SIPA1L1: variants seen among roughly 807,000 people sequenced by gnomAD.
The protein encoded by SIPA1L1 is signal-induced proliferation-associated 1-like protein 1.
A neutral mutation model predicts 162.7 loss-of-function variants in SIPA1L1; 26 were observed. That is an observed-to-expected ratio of 0.16 (90% CI 0.12 to 0.22). The LOEUF (loss-of-function observed/expected upper bound fraction) is 0.22. SIPA1L1 is among the 10% of genes least tolerant of loss of function. The pLI, the probability that SIPA1L1 is intolerant of heterozygous loss-of-function variation, is 1.00. For missense variants in SIPA1L1, 1,874 were observed against 2,241.0 expected (o/e 0.84, Z 3.31); for synonymous variants, 829 against 837.4 (o/e 0.99, Z 0.17).
In SIPA1L1 at chr14:71,671,507, A is replaced by G. The variant is rs747132189; in HGVS notation, c.2644A>G (p.Asn882Asp). 4.3e-6 allele frequency: 7 copies of G among 1,614,190 alleles called. No individual in the cohort carries two copies. The highest frequency in any genetic ancestry group is 1.7e-5 in the Admixed American group (1 of 60,028). ...ACTAGACTGCCTTTTAGGGATCTCC[A>G]ATGAGTTCATTGTGCTCATTGAACA... ...MELDCLLGIS[N>D]EFIVLIEQET... Residue 882 changes from asparagine (N) to aspartate (D), a missense_variant, in exon 11 of 24, where the codon AAT becomes GAT. Transcript: ENST00000381232.
intron 2 of SIPA1L1, among the ~76,000 whole-genome samples, chr14:71,353,322 G>T (rs540786266): frequency 1.3e-5 from 2 of 152,160 alleles, no homozygotes; most frequent in Non-Finnish European, 2.9e-5. Flanking sequence ...AAGAAGTAAG[G>T]TCACTAATCA....
intron 2 of SIPA1L1, among the ~76,000 whole-genome samples, chr14:71,485,662 TGTAATAATAATAAAAATAAA>T (rs1461313916): frequency 6.6e-6 from 1 of 152,042 alleles, no homozygotes; most frequent in Non-Finnish European, 1.5e-5. Flanking sequence ...TGTATTATAA[TGTAATAATAATAAAAATAAA>T]GTGCATGATA....
rs890518455 is a variant in SIPA1L1 at position 71,392,703 on chromosome 14, A to AT, written c.-465+71533dup. 5.7e-3 allele frequency among the ~76,000 whole-genome samples: 825 copies of AT among 145,504 alleles called. 3 individuals are homozygous for AT. The highest frequency in any genetic ancestry group is 0.013 in the African/African-American group (519 of 39,942). On this transcript the variant is annotated intron_variant, in intron 2 of 23. Transcript: ENST00000381232. ...CCACCACGCCCGGCTAATTTTTTGT[A>AT]TTTTTTTTTTTAGTAGAGACGGGGT...
At chr14:71,590,320 A>T (rs191580014) in intron 5 of SIPA1L1, among the ~76,000 whole-genome samples, 1 of 152,070 alleles carries the variant, frequency 6.6e-6, no homozygotes, top group African/African-American at 2.4e-5. Flanking sequence ...CATTAGCTAG[A>T]TTGGTCATCT....
At chr14:71,597,051 C>T (rs2036121843) in intron 5 of SIPA1L1, among the ~76,000 whole-genome samples, 1 of 152,118 alleles carries the variant, frequency 6.6e-6, no homozygotes, top group Admixed American at 6.6e-5. Context: ...CTCACTGCAG[C>T]CTCAAAGTCC....
chr14:71,448,496 C>T (rs1267966765), intron 2 of SIPA1L1, among the ~76,000 whole-genome samples: 1 of 152,168 alleles, frequency 6.6e-6, no homozygotes, highest in East Asian at 1.9e-4. Context: ...ATTCTATATT[C>T]TGAAAACCGT....
At chr14:71,523,465 A>T (rs2052561293) in intron 3 of SIPA1L1, among the ~76,000 whole-genome samples, 2 of 152,230 alleles carry the variant, frequency 1.3e-5, no homozygotes, top group African/African-American at 4.8e-5. Flanking sequence ...AATATCTTAC[A>T]TAACTATAGT....
At chr14:71,491,984 GCACCAT>G in intron 2 of SIPA1L1, among the ~76,000 whole-genome samples, 1 of 152,112 alleles carries the variant, frequency 6.6e-6, no homozygotes, top group Non-Finnish European at 1.5e-5. Context: ...AAGTCTGTCA[GCACCAT>G]CTCCCCTCTG....
intron 2 of SIPA1L1, among the ~76,000 whole-genome samples, chr14:71,502,278 A>ATATATT (rs2050318541): frequency 7.0e-6 from 1 of 143,508 alleles, no homozygotes; most frequent in Non-Finnish European, 1.5e-5. Context: ...ATATATATAT[A>ATATATT]TTTGAGACAG....
At chr14:71,346,258 G>A (rs554955263) in intron 2 of SIPA1L1, among the ~76,000 whole-genome samples, 4 of 152,288 alleles carry the variant, frequency 2.6e-5, no homozygotes, top group African/African-American at 9.6e-5. Context: ...TATAAATGGT[G>A]TGTTTAAACT....
At chr14:71,371,264 G>A (rs539793427) in intron 2 of SIPA1L1, among the ~76,000 whole-genome samples, 1 of 152,284 alleles carries the variant, frequency 6.6e-6, no homozygotes, top group African/African-American at 2.4e-5. Context: ...AGTAATGGTT[G>A]CCTTACCTTG....
chr14:71,552,866 C>T (rs1384244245), intron 4 of SIPA1L1, among the ~76,000 whole-genome samples: 3 of 152,086 alleles, frequency 2.0e-5, no homozygotes, highest in African/African-American at 4.8e-5. Context: ...TAAATCTGCA[C>T]ATTTCAGTGT....
intron 8 of SIPA1L1, among the ~76,000 whole-genome samples, chr14:71,651,927 C>T (rs534167661): frequency 6.6e-6 from 1 of 152,190 alleles, no homozygotes; most frequent in Non-Finnish European, 1.5e-5. Context: ...GATTACCAAA[C>T]AGCCTCTTAA....
At chr14:71,722,395 A>G (rs572804053) in intron 17 of SIPA1L1, among the ~76,000 whole-genome samples, 32 of 152,336 alleles carry the variant, frequency 2.1e-4, no homozygotes, top group East Asian at 9.7e-4. Flanking sequence ...GGTCAGGACG[A>G]TTCATTTTTG....
intron 6 of SIPA1L1, among the ~76,000 whole-genome samples, chr14:71,620,907 GA>G (rs2039366007): frequency 6.6e-6 from 1 of 152,166 alleles, no homozygotes; most frequent in South Asian, 2.1e-4. Flanking sequence ...GCCTTTGACT[GA>G]AAGGTTCAAG....
At chr14:71,621,552 G>A (rs2039449676) in intron 6 of SIPA1L1, among the ~76,000 whole-genome samples, 1 of 152,146 alleles carries the variant, frequency 6.6e-6, no homozygotes, top group Non-Finnish European at 1.5e-5. Context: ...GGCCTTCCTT[G>A]ACCGCTGAAT....
chr14:71,451,633 A>C (rs2045829118), intron 2 of SIPA1L1, among the ~76,000 whole-genome samples: 1 of 122,684 alleles, frequency 8.2e-6, no homozygotes, highest in Non-Finnish European at 1.8e-5. Flanking sequence ...ACCTTGTCTC[A>C]AAAAAAAAAA....
At chr14:71,413,428 G>A (rs1249789533) in intron 2 of SIPA1L1, among the ~76,000 whole-genome samples, 1 of 152,182 alleles carries the variant, frequency 6.6e-6, no homozygotes, top group Non-Finnish European at 1.5e-5. Flanking sequence ...CTGTTGGTTG[G>A]CTTAAATTTA....
chr14:71,351,346 A>G (rs1205268603), intron 2 of SIPA1L1, among the ~76,000 whole-genome samples: 2 of 152,218 alleles, frequency 1.3e-5, no homozygotes, highest in Admixed American at 6.5e-5. Context: ...CTTGGAATAC[A>G]TGGAGATAGT....
Sources: gnomAD v4.1 joint callset for allele counts (sites outside exome capture counted in the v4.1 genomes callset) on GRCh38, gnomAD v4.1.1 for gene constraint, MANE v1.5 for transcripts, NCBI Gene and HGNC (gene_info 2026-07-23, HGNC 2026-07-21) for gene names.